Variants in COL19A1 observed in about 807,000 individuals in gnomAD.
The protein encoded by COL19A1 is collagen type XIX alpha 1 chain.
COL19A1 carries 159 observed loss-of-function variants against 190.2 expected under a neutral mutation model. That is an observed-to-expected ratio of 0.84 (90% CI 0.73 to 0.95). The LOEUF (loss-of-function observed/expected upper bound fraction) is 0.95, where lower values mean the gene tolerates loss of function less well. Among genes scored for constraint, COL19A1 ranks in the 40% least tolerant of loss-of-function variants. The pLI is 0.00. For missense variants in COL19A1, 1,418 were observed against 1,431.9 expected, an observed-to-expected ratio of 0.99 and a Z score of 0.16; for synonymous variants, 509 against 458.9, an observed-to-expected ratio of 1.11 and a Z score of -1.39.
At chr6:70,082,295 T>TA (rs1292709921) in intron 15 of COL19A1, among the ~76,000 whole-genome samples, 1 of 152,214 alleles carries the variant, frequency 6.6e-6, no homozygotes, top group Admixed American at 6.5e-5. Context: ...TTGTAAATAA[T>TA]ATTCTGAGAG....
intron 15 of COL19A1, among the ~76,000 whole-genome samples, chr6:70,069,516 T>C (rs887454846): frequency 4.6e-5 from 7 of 152,156 alleles, no homozygotes; most frequent in African/African-American, 1.7e-4. Flanking sequence ...AAACACTCAT[T>C]GGCTTTCCAG....
chr6:69,992,442 T>G (rs1356712583), intron 11 of COL19A1, among the ~76,000 whole-genome samples: 1 of 151,976 alleles, frequency 6.6e-6, no homozygotes, highest in African/African-American at 2.4e-5. Context: ...TAGTTTCATT[T>G]TGCACTTGTA....
chr6:69,901,863 G>A (rs975760809), intron 4 of COL19A1, among the ~76,000 whole-genome samples: 1 of 152,188 alleles, frequency 6.6e-6, no homozygotes, highest in Non-Finnish European at 1.5e-5. Flanking sequence ...AAAATTCATT[G>A]GATTACATGT....
At chr6:70,070,134 T>A (rs951573180) in intron 15 of COL19A1, among the ~76,000 whole-genome samples, 2 of 152,122 alleles carry the variant, frequency 1.3e-5, no homozygotes, top group African/African-American at 4.8e-5. Flanking sequence ...TGTAAGATAA[T>A]TATGACAGAC....
At chr6:70,157,418 GTTAGT>G (rs1418180520) in intron 34 of COL19A1, among the ~76,000 whole-genome samples, 2 of 152,060 alleles carry the variant, frequency 1.3e-5, no homozygotes. Context: ...ATGAATTGCT[GTTAGT>G]TTAAACAGTT....
chr6:69,877,429 G>A (rs1768194883), intron 1 of COL19A1, among the ~76,000 whole-genome samples: 1 of 152,124 alleles, frequency 6.6e-6, no homozygotes, highest in African/African-American at 2.4e-5. Flanking sequence ...TAAATATGAT[G>A]TCAATGGCAG....
At chr6:70,070,166 G>GA (rs1038646584) in intron 15 of COL19A1, among the ~76,000 whole-genome samples, 4 of 152,018 alleles carry the variant, frequency 2.6e-5, no homozygotes, top group Non-Finnish European at 4.4e-5. Context: ...TGGGTGAACT[G>GA]AAAAAATATT....
At chr6:69,974,500 G>A (rs1443864180) in intron 11 of COL19A1, among the ~76,000 whole-genome samples, 2 of 152,270 alleles carry the variant, frequency 1.3e-5, no homozygotes, top group Non-Finnish European at 2.9e-5. Flanking sequence ...CTACAAGGCT[G>A]GAGCACATGA....
chr6:69,897,731 C>G (rs1372595267), intron 2 of COL19A1, among the ~76,000 whole-genome samples: 1 of 152,004 alleles, frequency 6.6e-6, no homozygotes, highest in East Asian at 1.9e-4. Context: ...TACAAAATCT[C>G]TAATAATTTT....
chr6:70,154,508 A>G (rs1787311447), intron 31 of COL19A1, among the ~76,000 whole-genome samples: 1 of 152,068 alleles, frequency 6.6e-6, no homozygotes, highest in South Asian at 2.1e-4. Flanking sequence ...CATTTTTGAG[A>G]TGATTTGCCT....
chr6:70,199,805 G>C (rs1253110942), intron 49 of COL19A1, 69 bp downstream of exon 49: 22 of 1,479,334 alleles, frequency 1.5e-5, no homozygotes, highest in Non-Finnish European at 2.0e-5. Flanking sequence ...GTTAGTCACA[G>C]TTAAGGAAAA....
intron 1 of COL19A1, among the ~76,000 whole-genome samples, chr6:69,875,301 T>A (rs936426657): frequency 1.3e-5 from 2 of 152,180 alleles, no homozygotes; most frequent in African/African-American, 4.8e-5. Context: ...GGCCTGGTTA[T>A]TTGGGACTTC....
At chr6:69,946,954 A>G (rs1380261836) in intron 9 of COL19A1, among the ~76,000 whole-genome samples, 2 of 151,844 alleles carry the variant, frequency 1.3e-5, no homozygotes, top group African/African-American at 4.8e-5. Context: ...AGCCACACTC[A>G]TTTGTTTTTG....
chr6:70,183,581 C>A (rs969980831), intron 44 of COL19A1, among the ~76,000 whole-genome samples: 1 of 152,168 alleles, frequency 6.6e-6, no homozygotes, highest in Non-Finnish European at 1.5e-5. Flanking sequence ...CAGCTTTATC[C>A]TTGTTCCTTG....
intron 2 of COL19A1, among the ~76,000 whole-genome samples, chr6:69,884,062 C>T (rs983571996): frequency 6.6e-5 from 10 of 152,008 alleles, no homozygotes; most frequent in Non-Finnish European, 1.2e-4. Flanking sequence ...TGGCCGGGCT[C>T]GGTGGCTCAC....
chr6:69,934,814 A>G (rs1430310188), intron 7 of COL19A1, among the ~76,000 whole-genome samples: 1 of 152,046 alleles, frequency 6.6e-6, no homozygotes, highest in Non-Finnish European at 1.5e-5. Flanking sequence ...CATTTTATGA[A>G]TAGGAATGTA....
intron 11 of COL19A1, among the ~76,000 whole-genome samples, chr6:69,981,342 G>GAATAAA (rs1776021562): frequency 6.6e-6 from 1 of 152,092 alleles, no homozygotes; most frequent in Admixed American, 6.6e-5. Context: ...TTAGGATTCT[G>GAATAAA]CTGGGTAATC....
chr6:70,201,690 C>G (rs939693170), intron 49 of COL19A1, among the ~76,000 whole-genome samples: 2 of 151,998 alleles, frequency 1.3e-5, no homozygotes, highest in Non-Finnish European at 2.9e-5. Flanking sequence ...TTAAATTTGC[C>G]TAAAATTTAG....
chr6:70,147,339 G>GT (rs879436628), intron 27 of COL19A1, among the ~76,000 whole-genome samples: 4 of 152,170 alleles, frequency 2.6e-5, no homozygotes, highest in Admixed American at 2.0e-4. Context: ...AAGAGATGAT[G>GT]TTTTCAATGG....
Sources: allele counts gnomAD v4.1 joint callset (sites outside exome capture counted in the v4.1 genomes callset), GRCh38; gene constraint gnomAD v4.1.1; transcripts MANE v1.5; gene names NCBI Gene and HGNC (gene_info 2026-07-23, HGNC 2026-07-21).